HHIP: variants seen among roughly 807,000 people sequenced by gnomAD.
The protein encoded by HHIP is hedgehog-interacting protein.
Under a neutral mutation model 74.0 loss-of-function variants are expected in HHIP, and 12 were observed. The observed-to-expected ratio is 0.16, with a 90% CI of 0.10 to 0.26. HHIP has a LOEUF of 0.26. Among genes scored for constraint, HHIP ranks in the 10% least tolerant of loss-of-function variants. HHIP has a pLI of 1.00. For missense variants in HHIP, 788 were observed against 845.0 expected, an observed-to-expected ratio of 0.93 and a Z score of 0.84; for synonymous variants, 309 against 311.6, an observed-to-expected ratio of 0.99 and a Z score of 0.09.
intron 4 of HHIP, among the ~76,000 whole-genome samples, chr4:144,700,302 G>A (rs1185474990): frequency 6.6e-6 from 1 of 152,178 alleles, no homozygotes; most frequent in African/African-American, 2.4e-5. Flanking sequence ...CTCTTTCAGT[G>A]CTCACAGGAG....
At chr4:144,698,106 T>C (rs575279319) in intron 4 of HHIP, among the ~76,000 whole-genome samples, 12 of 152,170 alleles carry the variant, frequency 7.9e-5, no homozygotes, top group Non-Finnish European at 1.8e-4. Flanking sequence ...GACCAATCGC[T>C]ACATACCAGA....
chr4:144,737,667 C>T, intron 12 of HHIP, 97 bp from the exon 13 acceptor site: 1 of 1,080,274 alleles, frequency 9.3e-7, no homozygotes, highest in East Asian at 2.7e-5. Context: ...TTTTCCCTCG[C>T]TTCCCTTATT....
At chr4:144,722,018 T>C (rs926061632) in intron 11 of HHIP, among the ~76,000 whole-genome samples, 4 of 152,078 alleles carry the variant, frequency 2.6e-5, no homozygotes, top group African/African-American at 9.7e-5. Context: ...TCACATCTTA[T>C]GGCAGGGCAG....
At chr4:144,724,663 T>C (rs533496719) in intron 11 of HHIP, among the ~76,000 whole-genome samples, 375 of 123,192 alleles carry the variant, frequency 3.0e-3, no homozygotes, top group Non-Finnish European at 4.6e-3. Context: ...TGTGTGTGTG[T>C]GTGTGTATAT....
intron 1 of HHIP, 59 bp from the exon 2 acceptor site, chr4:144,652,546 A>AATC: frequency 9.5e-7 from 1 of 1,056,666 alleles, no homozygotes; most frequent in East Asian, 2.4e-5. Flanking sequence ...AAATAATAAT[A>AATC]ATAGCTAAAC....
chr4:144,742,992 ATATATAATATATATATATTATATAT>A lies in HHIP; in HGVS notation c.*5036_*5060del, dbSNP rs1244765511. ...ATATGTATATATATATACATTATAT[ATATATAATATATATATATTATATAT>A]ATATAATATATATCTTATATATATA... On this transcript the variant is annotated 3_prime_UTR_variant, in exon 13 of 13. Coordinates refer to ENST00000296575, the MANE Select transcript of HHIP (RefSeq NM_022475.3). 292 of 988 alleles carry A rather than the reference ATATATAATATATATATATTATATAT, an allele frequency of 0.3. 6 individuals are homozygous for A. Among genetic ancestry groups the A allele is most frequent in the Admixed American group, 0.5 (17 of 34 alleles). 0.1% of individuals were successfully genotyped at this position (988 alleles called of 1,614,324 possible). A position where few individuals can be genotyped will look rare whatever the true frequency, so the allele number is the denominator to read the frequency against.
At chr4:144,668,481 T>C (rs1368737994) in intron 4 of HHIP, among the ~76,000 whole-genome samples, 1 of 148,538 alleles carries the variant, frequency 6.7e-6, no homozygotes, top group African/African-American at 2.5e-5. Flanking sequence ...GGGCCGCTCT[T>C]AGTGGCTCAC....
chr4:144,676,595 A>G (rs1010354120), intron 4 of HHIP, among the ~76,000 whole-genome samples: 2 of 152,304 alleles, frequency 1.3e-5, no homozygotes, highest in East Asian at 3.9e-4. Flanking sequence ...AATGTGTTCT[A>G]TGCAATGAAC....
At chr4:144,649,984 T>C (rs1262224065) in intron 1 of HHIP, among the ~76,000 whole-genome samples, 4 of 152,216 alleles carry the variant, frequency 2.6e-5, no homozygotes, top group Admixed American at 2.6e-4. Context: ...AACAACCTTG[T>C]AGGCATATGA....
intron 4 of HHIP, among the ~76,000 whole-genome samples, chr4:144,696,785 A>G (rs987952204): frequency 6.6e-6 from 1 of 151,962 alleles, no homozygotes; most frequent in African/African-American, 2.4e-5. Context: ...ATATTGCTTG[A>G]AAATCACTCA....
At chr4:144,656,400 C>G (rs1728558303) in intron 2 of HHIP, among the ~76,000 whole-genome samples, 1 of 152,142 alleles carries the variant, frequency 6.6e-6, no homozygotes, top group Non-Finnish European at 1.5e-5. Flanking sequence ...AATATATATT[C>G]ATTAATCTTT....
chr4:144,716,495 C>T (rs1319921757), intron 10 of HHIP, among the ~76,000 whole-genome samples: 1 of 152,104 alleles, frequency 6.6e-6, no homozygotes, highest in Non-Finnish European at 1.5e-5. Flanking sequence ...AGATACTTCC[C>T]CTAACTTACA....
At position 144,716,854 on chromosome 4, in the gene HHIP, G is replaced by GAAAAAAAAAAAAAA. The variant is rs869028218; in HGVS notation, c.1678+1445_1678+1458dup. Among the ~76,000 whole-genome samples, 12 of 54,656 alleles carry GAAAAAAAAAAAAAA rather than the reference G, an allele frequency of 2.2e-4. 3 individuals carry two copies. Among genetic ancestry groups the GAAAAAAAAAAAAAA allele is most frequent in the Non-Finnish European group, 3.4e-4 (10 of 29,358 alleles). 35.9% of individuals were successfully genotyped at this position (54,656 alleles called of 152,430 possible). A position where few individuals can be genotyped will look rare whatever the true frequency, so the allele number is the denominator to read the frequency against. On this transcript the variant is annotated intron_variant, in intron 10 of 12. Coordinates refer to ENST00000296575, the MANE Select transcript of HHIP (RefSeq NM_022475.3). ...ACATGAGCAAAACTCCGTCTCAAAA[G>GAAAAAAAAAAAAAA]AAAAAAAAAAAAAAAAAAAAAAAAA...
At chr4:144,677,766 G>C (rs182229126) in intron 4 of HHIP, among the ~76,000 whole-genome samples, 91 of 152,286 alleles carry the variant, frequency 6.0e-4, no homozygotes, top group Non-Finnish European at 1.5e-5. Context: ...GCTTTCCTCT[G>C]TTAGAGACAT....
intron 4 of HHIP, among the ~76,000 whole-genome samples, chr4:144,661,621 T>C (rs1456064656): frequency 1.3e-5 from 2 of 152,100 alleles, no homozygotes; most frequent in Non-Finnish European, 2.9e-5. Flanking sequence ...AACTTCCCGA[T>C]TGGAAGAGTT....
At chr4:144,710,415 C>T (rs556211971) in intron 7 of HHIP, among the ~76,000 whole-genome samples, 3 of 152,260 alleles carry the variant, frequency 2.0e-5, no homozygotes, top group African/African-American at 4.8e-5. Context: ...TGGCAGGTCA[C>T]GCTTATGGTT....
At chr4:144,686,738 AAAG>A (rs1334634381) in intron 4 of HHIP, among the ~76,000 whole-genome samples, 1 of 152,212 alleles carries the variant, frequency 6.6e-6, no homozygotes, top group African/African-American at 2.4e-5. Context: ...CTCTAAGTGG[AAAG>A]AAGGAGAAGA....
intron 4 of HHIP, among the ~76,000 whole-genome samples, chr4:144,665,843 T>C (rs906506916): frequency 1.3e-5 from 2 of 152,226 alleles, no homozygotes; most frequent in African/African-American, 4.8e-5. Context: ...TGCCTTCTCC[T>C]AAATTTTAGG....
At chr4:144,688,779 C>T (rs79235048) in intron 4 of HHIP, among the ~76,000 whole-genome samples, 24 of 143,498 alleles carry the variant, frequency 1.7e-4, no homozygotes, top group African/African-American at 2.4e-4. Context: ...TATGCAAGAA[C>T]GGAAGGGATG....
Sources: allele counts gnomAD v4.1 joint callset (sites outside exome capture counted in the v4.1 genomes callset), GRCh38; gene constraint gnomAD v4.1.1; transcripts MANE v1.5; gene names NCBI Gene and HGNC (gene_info 2026-07-23, HGNC 2026-07-21).